The following SPAG1 variants were observed in gnomAD, a reference collection of about 807,000 sequenced individuals.
SPAG1 encodes sperm associated antigen 1, also known as sperm-associated antigen 1.
A neutral mutation model predicts 100.5 loss-of-function variants in SPAG1; 69 were observed. The observed-to-expected ratio is 0.69, with a 90% CI of 0.57 to 0.84. SPAG1 has a LOEUF of 0.84. SPAG1 is among the 40% of genes least tolerant of loss of function. SPAG1 has a pLI of 0.00. For missense variants in SPAG1, 955 were observed against 1,133.1 expected, an observed-to-expected ratio of 0.84 and a Z score of 2.26; for synonymous variants, 336 against 411.6, an observed-to-expected ratio of 0.82 and a Z score of 2.22.
chr8:100,206,606 C>T lies in SPAG1; in HGVS notation c.1097-6484C>T, dbSNP rs562296543. 1.8e-4 allele frequency among the ~76,000 whole-genome samples: 28 copies of T among 152,038 alleles called. No homozygotes were observed. The East Asian group carries it at 2.3e-3, about 13-fold the overall frequency. On this transcript the variant is annotated intron_variant, in intron 10 of 18. Transcript: ENST00000388798. ...TACCTCAGTAAAATTTCCTGGGTTC[C>T]GGTGGTATGGGGCCTGTCGAGATAT...
chr8:100,194,344 G>T, intron 10 of SPAG1, 76 bp downstream of exon 10: 2 of 1,550,420 alleles, frequency 1.3e-6, no homozygotes, highest in South Asian at 1.2e-5. Flanking sequence ...TTTTCTATTC[G>T]TACAGAAATT....
intron 10 of SPAG1, among the ~76,000 whole-genome samples, chr8:100,211,666 A>G (rs1563798953): frequency 6.6e-6 from 1 of 152,226 alleles, no homozygotes; most frequent in South Asian, 2.1e-4. Context: ...CAAAATAAAT[A>G]CAAACAAATA....
In SPAG1 at chr8:100,240,953, T is replaced by A. The variant is rs1462460995; in HGVS notation, c.2712T>A (p.Leu904=). The change falls in exon 19 of 19, where the codon CTT becomes CTA. Residue 904 remains leucine, a synonymous_variant. Transcript: ENST00000388798. The part of the protein sequence containing the change: ...KELIEQLFED[L]SDTPNNHFTL... ...TAATTGAACAGCTGTTTGAGGACCTTTCGGACACACCAAACAACCATTTTA... is the reference window on the plus strand; with the variant it reads ...TAATTGAACAGCTGTTTGAGGACCTATCGGACACACCAAACAACCATTTTA... The A allele has an allele frequency of 6.2e-7, 1 of 1,613,682 alleles. No homozygotes were observed. The highest frequency in any genetic ancestry group is 2.2e-5 in the East Asian group (1 of 44,846).
rs761617724 is a variant in SPAG1 at position 100,213,300 on chromosome 8, C to A, written c.1307C>A (p.Pro436Gln). ...AAAGGGATGH[P>Q]GGGQGAENPA... Reference sequence around the variant, plus strand: ...GCGGGCGGCGGCGCCACCGGGCATCCGGGCGGCGGGCAGGGCGCGGAGAAC... The same window carrying A: ...GCGGGCGGCGGCGCCACCGGGCATCAGGGCGGCGGGCAGGGCGCGGAGAAC... The change falls in exon 11 of 19, where the codon CCG becomes CAG. Residue 436 changes from proline (P) to glutamine (Q), a missense_variant. Coordinates refer to ENST00000388798, the MANE Select transcript of SPAG1 (RefSeq NM_003114.5). 4.1e-6 allele frequency: 5 copies of A among 1,232,076 alleles called. No individual in the cohort carries two copies. Among genetic ancestry groups the A allele is most frequent in the Non-Finnish European group, 5.1e-6 (5 of 989,220 alleles). The allele number at this position is 1,232,076 out of a possible 1,614,324, so 76.3% of individuals were successfully genotyped here.
rs774726805 is a variant in SPAG1 at position 100,240,724 on chromosome 8, T to C, written c.2602T>C (p.Leu868=). ...TAATCTTATTGAAAAAGATCCCTCA[T>C]TGGTGTATCAGCATCTTTTATACCT... The part of the protein sequence containing the change: ...KNNLIEKDPS[L]VYQHLLYLSK... Residue 868 remains leucine, a synonymous_variant, in exon 18 of 19, where the codon TTG becomes CTG. Transcript: ENST00000388798. 9 of 1,613,056 alleles carry C rather than the reference T, an allele frequency of 5.6e-6. No homozygotes were observed. In the East Asian group the frequency reaches 8.9e-5, roughly 16 times the overall value.
Position 100,217,366 on chromosome 8 carries a change from A to G in SPAG1, c.1536-2913A>G, listed in dbSNP as rs569504458. ...ATAATTTTTAAATGTATTTTGGGAA[A>G]AACTACCATTTGATTTTAAATGTCT... On this transcript the variant is annotated intron_variant, in intron 12 of 18. Transcript: ENST00000388798. Among the ~76,000 whole-genome samples the G allele has an allele frequency of 2.5e-3, 377 of 152,302 alleles. 1 individual carries two copies. The highest frequency in any genetic ancestry group is 8.7e-3 in the African/African-American group (360 of 41,564).
At chr8:100,179,447 A>G (rs1816273224) in intron 4 of SPAG1, among the ~76,000 whole-genome samples, 1 of 152,176 alleles carries the variant, frequency 6.6e-6, no homozygotes. Flanking sequence ...AAATATAACA[A>G]TGAACAAGCA....
chr8:100,238,119 A>G (rs1819090938), intron 16 of SPAG1, among the ~76,000 whole-genome samples: 1 of 151,852 alleles, frequency 6.6e-6, no homozygotes, highest in South Asian at 2.1e-4. Context: ...CTCCTGCTCC[A>G]CTCCCTTGCC....
At chr8:100,226,701 T>C (rs1232412711) in intron 14 of SPAG1, among the ~76,000 whole-genome samples, 1 of 150,580 alleles carries the variant, frequency 6.6e-6, no homozygotes, top group African/African-American at 2.4e-5. Context: ...AGATGCTGTC[T>C]CAAAAAAAAA....
intron 8 of SPAG1, 129 bp from the exon 9 acceptor site, chr8:100,191,261 G>A (rs1008561767): frequency 1.6e-6 from 1 of 609,480 alleles, no homozygotes. Flanking sequence ...ATGAAAAAGG[G>A]TGTAGTTGAG....
intron 10 of SPAG1, among the ~76,000 whole-genome samples, chr8:100,206,216 C>T (rs1817512048): frequency 6.6e-6 from 1 of 152,024 alleles, no homozygotes; most frequent in African/African-American, 2.4e-5. Flanking sequence ...GGTTTCATTG[C>T]TTGAGCAAAT....
At chr8:100,199,791 G>A (rs1253658481) in intron 10 of SPAG1, among the ~76,000 whole-genome samples, 1 of 151,932 alleles carries the variant, frequency 6.6e-6, no homozygotes, top group Non-Finnish European at 1.5e-5. Flanking sequence ...TTACTGTTGA[G>A]TTGTAAGCAT....
intron 15 of SPAG1, 99 bp from the exon 16 acceptor site, chr8:100,233,312 G>A (rs989335685): frequency 1.6e-5 from 21 of 1,311,432 alleles, no homozygotes; most frequent in Non-Finnish European, 2.2e-5. Flanking sequence ...TATAGCAACA[G>A]ACATATTGAG....
At chr8:100,184,930 C>G (rs1816524963) in intron 7 of SPAG1, among the ~76,000 whole-genome samples, 197 bp downstream of exon 7, 1 of 152,176 alleles carries the variant, frequency 6.6e-6, no homozygotes, top group South Asian at 2.1e-4. Context: ...CACTCCACTC[C>G]TACTTTTGAC....
chr8:100,202,627 G>A (rs981192008), intron 10 of SPAG1, among the ~76,000 whole-genome samples: 4 of 146,608 alleles, frequency 2.7e-5, no homozygotes, highest in Non-Finnish European at 4.5e-5. Context: ...GGAGAATGGC[G>A]TGAACCCGGG....
At chr8:100,232,934 G>A (rs1757806034) in intron 15 of SPAG1, among the ~76,000 whole-genome samples, 1 of 152,114 alleles carries the variant, frequency 6.6e-6, no homozygotes, top group Admixed American at 6.5e-5. Flanking sequence ...GTAGGTGCAG[G>A]TCTGTGCACT....
intron 3 of SPAG1, among the ~76,000 whole-genome samples, chr8:100,173,033 CTTTTTTTT>C (rs149257955): frequency 7.9e-5 from 5 of 63,612 alleles, no homozygotes; most frequent in African/African-American, 1.3e-4. Flanking sequence ...TTGACCACTT[CTTTTTTTT>C]TTTTTTTTTT....
chr8:100,227,491 T>C (rs1818567024), intron 14 of SPAG1, among the ~76,000 whole-genome samples: 1 of 152,174 alleles, frequency 6.6e-6, no homozygotes, highest in African/African-American at 2.4e-5. Context: ...ATCTGCCAAG[T>C]AGATGATCTA....
Position 100,233,492 on chromosome 8 carries a change from C to T in SPAG1, c.2070C>T (p.Asn690=), listed in dbSNP as rs527494331. The T allele has an allele frequency of 3.8e-5, 62 of 1,613,884 alleles. No individual in the cohort carries two copies. Among genetic ancestry groups the T allele is most frequent in the South Asian group, 2.4e-4 (22 of 91,068 alleles). ...AGGCACTTCAGCTAGCTGATGGGAA[C>T]GTGAAAGCCTTCTATAGACGAGCTC... ...CDQALQLADG[N]VKAFYRRALA... The change falls in exon 16 of 19, where the codon AAC becomes AAT. Residue 690 remains asparagine (N), a synonymous_variant. Transcript: ENST00000388798.
Sources: gnomAD v4.1 joint callset for allele counts (sites outside exome capture counted in the v4.1 genomes callset) on GRCh38, gnomAD v4.1.1 for gene constraint, MANE v1.5 for transcripts, NCBI Gene and HGNC (gene_info 2026-07-23, HGNC 2026-07-21) for gene names.